Variants in DNAJC6 observed in about 807,000 individuals in gnomAD.
The protein encoded by DNAJC6 is DnaJ heat shock protein family (Hsp40) member C6, also known as auxilin.
In DNAJC6, 34 loss-of-function variants were observed where a neutral mutation model predicts 110.0. The observed-to-expected ratio is 0.31, with a 90% CI of 0.24 to 0.41. The LOEUF (loss-of-function observed/expected upper bound fraction) is 0.41, where lower values mean the gene tolerates loss of function less well. Among genes scored for constraint, DNAJC6 ranks in the 10% least tolerant of loss-of-function variants. DNAJC6 has a pLI of 1.00. For synonymous variants in DNAJC6, 406 were observed against 437.2 expected (o/e 0.93, Z 0.89); for missense variants, 1,031 against 1,207.8 (o/e 0.85, Z 2.17).
chr1:65,393,744 G>A (rs1645951196), intron 12 of DNAJC6, among the ~76,000 whole-genome samples: 1 of 152,158 alleles, frequency 6.6e-6, no homozygotes, highest in African/African-American at 2.4e-5. Context: ...CATTAACCAA[G>A]ATGACTTCAC....
rs1645644128 is a variant in DNAJC6, at chr1:65,366,122, TC to T, written c.471del (p.Arg158AspfsTer174). On this transcript the variant is annotated frameshift_variant, in exon 4 of 19. Transcript: ENST00000371069. LOFTEE classifies it high-confidence loss of function. Reference protein sequence around the residue: ...QVDDIRSFLDSRHLDHYTVYN... With the variant: ...QVDDIRSFLDXRHLDHYTVYN... ...TGATGACATTCGAAGCTTTTTGGAT[TC>T]CAGACATCTTGACCACTACACAGTA... is the stretch of plus-strand genomic sequence containing the variant. The T allele has an allele frequency of 6.2e-7, 1 of 1,613,796 alleles. No homozygotes were observed. The highest frequency in any genetic ancestry group is 1.3e-5 in the African/African-American group (1 of 74,898).
chr1:65,298,245 G>T (rs1389182564), intron 1 of DNAJC6, among the ~76,000 whole-genome samples: 1 of 152,132 alleles, frequency 6.6e-6, no homozygotes, highest in Non-Finnish European at 1.5e-5. Context: ...GAGATCTGTT[G>T]GGCAGCAAGG....
intron 1 of DNAJC6, among the ~76,000 whole-genome samples, chr1:65,265,876 T>C (rs775658642): frequency 1.3e-5 from 2 of 151,876 alleles, no homozygotes; most frequent in African/African-American, 2.4e-5. Flanking sequence ...CGCGCGGCGG[T>C]GCCGGGCCCC....
chr1:65,408,616 A>G lies in DNAJC6; in HGVS notation c.2492-25A>G, dbSNP rs199550498. ...ATTATGTTTAAGAATGAAAACTGTA[A>G]TGATTTTCAAAAATTATATTGCAGA... On this transcript the variant is annotated intron_variant, in intron 16 of 18. Transcript: ENST00000371069. 8.1e-6 allele frequency: 13 copies of G among 1,599,140 alleles called. No homozygotes were observed. The Admixed American group carries it at 2.2e-4, about 27-fold the overall frequency.
At chr1:65,384,968 A>C (rs1229330566) in intron 6 of DNAJC6, among the ~76,000 whole-genome samples, 1 of 152,230 alleles carries the variant, frequency 6.6e-6, no homozygotes, top group Non-Finnish European at 1.5e-5. Flanking sequence ...ACTGGGACTC[A>C]AGACAGGTTG....
At chr1:65,369,418 T>A (rs1337639839) in intron 4 of DNAJC6, among the ~76,000 whole-genome samples, 3 of 152,230 alleles carry the variant, frequency 2.0e-5, no homozygotes, top group African/African-American at 2.4e-5. Flanking sequence ...GTTTTTACCT[T>A]TCAGTTCATG....
At chr1:65,402,318 T>A (rs1646037327) in intron 15 of DNAJC6, among the ~76,000 whole-genome samples, 1 of 152,240 alleles carries the variant, frequency 6.6e-6, no homozygotes, top group Admixed American at 6.5e-5. Flanking sequence ...CTCCATTAAC[T>A]GTGGTGCTCT....
intron 14 of DNAJC6, among the ~76,000 whole-genome samples, 193 bp downstream of exon 14, chr1:65,399,074 A>G (rs551092636): frequency 9.1e-4 from 138 of 152,278 alleles, no homozygotes; most frequent in African/African-American, 3.2e-3. Flanking sequence ...ATCATACACC[A>G]TTTAACTTTT....
At chr1:65,298,554 T>A (rs1476285635) in intron 1 of DNAJC6, among the ~76,000 whole-genome samples, 1 of 152,116 alleles carries the variant, frequency 6.6e-6, no homozygotes, top group Non-Finnish European at 1.5e-5. Flanking sequence ...TTAACGGTAG[T>A]AGTTAGGGGT....
intron 4 of DNAJC6, among the ~76,000 whole-genome samples, chr1:65,375,012 A>T (rs1645746927): frequency 6.7e-6 from 1 of 149,618 alleles, no homozygotes; most frequent in Admixed American, 6.7e-5. Flanking sequence ...GCTGTCACCC[A>T]GGCTGGAGTG....
chr1:65,299,717 C>T (rs1343268909), intron 1 of DNAJC6, among the ~76,000 whole-genome samples: 1 of 152,082 alleles, frequency 6.6e-6, no homozygotes, highest in Non-Finnish European at 1.5e-5. Flanking sequence ...TCCATGACCA[C>T]ATGAACTTGT....
At chr1:65,318,360 G>A (rs979759277) in intron 1 of DNAJC6, among the ~76,000 whole-genome samples, 3 of 151,974 alleles carry the variant, frequency 2.0e-5, no homozygotes, top group African/African-American at 4.8e-5. Flanking sequence ...AATGCCTACG[G>A]CCTACAAAAG....
At chr1:65,354,520 G>C (rs1645523635) in intron 1 of DNAJC6, among the ~76,000 whole-genome samples, 1 of 152,120 alleles carries the variant, frequency 6.6e-6, no homozygotes, top group Non-Finnish European at 1.5e-5. Context: ...AAGTGGAGGG[G>C]ACTTAGGAAA....
At chr1:65,277,319 T>G (rs1653704139) in intron 1 of DNAJC6, among the ~76,000 whole-genome samples, 1 of 152,234 alleles carries the variant, frequency 6.6e-6, no homozygotes, top group African/African-American at 2.4e-5. Context: ...CTGAAATTCT[T>G]ACAAATATAT....
At chr1:65,294,363 G>C (rs1055236097) in intron 1 of DNAJC6, among the ~76,000 whole-genome samples, 1 of 152,126 alleles carries the variant, frequency 6.6e-6, no homozygotes, top group African/African-American at 2.4e-5. Context: ...GAGGGCAAAG[G>C]CCAAAGTTTG....
chr1:65,365,689 G>A (rs1057429234), intron 2 of DNAJC6, among the ~76,000 whole-genome samples, 196 bp from the exon 3 acceptor site: 2 of 152,098 alleles, frequency 1.3e-5, no homozygotes, highest in East Asian at 3.9e-4. Flanking sequence ...CAGTTGGAGT[G>A]GCATATTTAT....
intron 7 of DNAJC6, among the ~76,000 whole-genome samples, chr1:65,386,595 G>A (rs898789787): frequency 6.6e-6 from 1 of 152,226 alleles, no homozygotes; most frequent in African/African-American, 2.4e-5. Context: ...CAGATGGGAT[G>A]CAGAGAGGGG....
chr1:65,279,614 T>A (rs950486498), intron 1 of DNAJC6: 1 of 152,170 alleles, frequency 6.6e-6, no homozygotes, highest in Non-Finnish European at 1.5e-5. Flanking sequence ...CAGCTTGGAA[T>A]TGGTAGTGTC....
intron 1 of DNAJC6, among the ~76,000 whole-genome samples, chr1:65,276,953 G>T (rs774125380): frequency 6.6e-6 from 1 of 152,166 alleles, no homozygotes; most frequent in African/African-American, 2.4e-5. Flanking sequence ...CTTGCAGAAA[G>T]TCAGGCTCAC....
Sources: allele counts gnomAD v4.1 joint callset (sites outside exome capture counted in the v4.1 genomes callset), GRCh38; gene constraint gnomAD v4.1.1; transcripts MANE v1.5; gene names NCBI Gene and HGNC (gene_info 2026-07-23, HGNC 2026-07-21).